ADPRHL1: variants seen among roughly 807,000 people sequenced by gnomAD.
The protein encoded by ADPRHL1 is ADP-ribosylhydrolase like 1.
A neutral mutation model predicts 44.1 loss-of-function variants in ADPRHL1; 43 were observed. The observed-to-expected ratio is 0.98, with a 90% confidence interval of 0.76 to 1.26. The LOEUF (loss-of-function observed/expected upper bound fraction) is 1.26. Among genes scored for constraint, ADPRHL1 ranks in the 50% most tolerant of loss-of-function variants. The pLI, the probability that ADPRHL1 is intolerant of heterozygous loss-of-function variation, is 0.00. For missense variants in ADPRHL1, 2,022 were observed against 2,496.9 expected (o/e 0.81, Z 4.05); for synonymous variants, 878 against 1,017.4 (o/e 0.86, Z 2.61).
intron 1 of ADPRHL1, among the ~76,000 whole-genome samples, chr13:113,451,582 T>C (rs1050958654): frequency 1.3e-5 from 2 of 151,970 alleles, no homozygotes; most frequent in Non-Finnish European, 2.9e-5. Flanking sequence ...CTGAGGTGGG[T>C]GGATCACTTG....
At chr13:113,420,950 C>CT (rs1304763771) in intron 7 of ADPRHL1, among the ~76,000 whole-genome samples, 1 of 36,022 alleles carries the variant, frequency 2.8e-5, no homozygotes, top group Non-Finnish European at 9.3e-5. Context: ...CAACCCTACC[C>CT]CCCCCGACAC....
At position 113,406,435 on chromosome 13, in the gene ADPRHL1, C is replaced by T; in HGVS notation, c.2847G>A (p.Gln949=). ...VPETLLTQRL[Q]TDPAGGKENK... is the part of the protein sequence containing the mutation. Reference sequence around the variant, plus strand: ...TTTCCTTCCCGCCAGCAGGATCTGTCTGGAGTCTCTGTGTCAGAAGTGTCT... The same window carrying T: ...TTTCCTTCCCGCCAGCAGGATCTGTTTGGAGTCTCTGTGTCAGAAGTGTCT... The change falls in exon 8 of 8, where the codon CAG becomes CAA. Residue 949 remains glutamine (Q), a synonymous_variant. Transcript: ENST00000612156. 1 of 1,232,064 alleles carries T rather than the reference C, an allele frequency of 8.1e-7. No individual in the cohort carries two copies. The allele number at this position is 1,232,064 out of a possible 1,614,324, so 76.3% of individuals were successfully genotyped here. A position where few individuals can be genotyped will look rare whatever the true frequency, so the allele number is the denominator to read the frequency against.
rs531141067 is a variant in ADPRHL1 at position 113,428,447 on chromosome 13, C to G, written c.646+505G>C. Among the ~76,000 whole-genome samples, 87 of 152,334 alleles carry G rather than the reference C, an allele frequency of 5.7e-4. 1 individual carries two copies. In the South Asian group the frequency reaches 0.018, roughly 31 times the overall value. On this transcript the variant is annotated intron_variant, in intron 4 of 7. Transcript: ENST00000612156. Reference sequence around the variant, plus strand: ...CCCTGCCGCCCCCTCCCCTCTTAGACGGCACCTTCCGTGGGGTGGAAGAAT... The same window carrying G: ...CCCTGCCGCCCCCTCCCCTCTTAGAGGGCACCTTCCGTGGGGTGGAAGAAT...
Position 113,412,814 on chromosome 13 carries a change from G to A in ADPRHL1, c.1062-4594C>T, listed in dbSNP as rs113240598. Among the ~76,000 whole-genome samples, 106 of 82,536 alleles carry A rather than the reference G, an allele frequency of 1.3e-3. 2 individuals carry two copies. Among genetic ancestry groups the A allele is most frequent in the African/African-American group, 4.5e-3 (80 of 17,828 alleles). The allele number at this position is 82,536 out of a possible 152,430, so 54.1% of individuals were successfully genotyped here. ...GTTCACCCACCGCCAACAGCACCCC[G>A]CAGAACTCGGTTCACCCACCGCCAA... is the stretch of plus-strand genomic sequence containing the variant. On this transcript the variant is annotated intron_variant, in intron 7 of 7. Transcript: ENST00000612156.
rs1180159215 is a variant in ADPRHL1, at chr13:113,441,083, G to C, written c.379+3342C>G. Among the ~76,000 whole-genome samples the C allele has an allele frequency of 6.6e-6, 1 of 152,166 alleles. No homozygotes were observed. The highest frequency in any genetic ancestry group is 1.5e-5 in the Non-Finnish European group (1 of 68,044). ...CAGGAGAATCAGCTGAACCCGGGAA[G>C]TAGAGGTTGCAGTGAGCCAAAATTG... On this transcript the variant is annotated intron_variant, in intron 2 of 7. Coordinates refer to ENST00000612156, the MANE Select transcript of ADPRHL1 (RefSeq NM_001394807.1). The surrounding 1 kb of genome is among the most constrained non-coding windows in gnomAD (Gnocchi z 6.0).
At chr13:113,419,129 C>T (rs1434944454) in intron 7 of ADPRHL1, among the ~76,000 whole-genome samples, 1 of 28,004 alleles carries the variant, frequency 3.6e-5, no homozygotes, top group East Asian at 6.7e-4. Flanking sequence ...TTTTTTTTTT[C>T]AGGGTCTTAC....
rs539613716 is a variant in ADPRHL1 at position 113,404,777 on chromosome 13, C to A, written c.4505G>T (p.Gly1502Val). ...VQEWDRGQVQ[G>V]HAQEQAQWQT... ...CCACTGGGCCTGTTCTTGAGCGTGT[C>A]CCTGAACCTGTCCCCGGTCCCATTC... Residue 1502 changes from glycine to valine, a missense_variant, in exon 8 of 8, where the codon GGA (glycine) becomes GTA (valine). By Grantham distance (109) the Gly-to-Val change is moderately radical. Coordinates refer to ENST00000612156, the MANE Select transcript of ADPRHL1 (RefSeq NM_001394807.1). 7.9e-7 allele frequency: 1 copy of A among 1,261,030 alleles called. No homozygotes were observed. Among genetic ancestry groups the A allele is most frequent in the Non-Finnish European group, 9.9e-7 (1 of 1,006,840 alleles). The allele number at this position is 1,261,030 out of a possible 1,614,324, so 78.1% of individuals were successfully genotyped here.
At chr13:113,412,873 A>G (rs1433824895) in intron 7 of ADPRHL1, among the ~76,000 whole-genome samples, 2 of 48,494 alleles carry the variant, frequency 4.1e-5, no homozygotes, top group African/African-American at 2.8e-4. Context: ...ACCCACCGCC[A>G]ACAGCGCCCC....
intron 1 of ADPRHL1, among the ~76,000 whole-genome samples, chr13:113,451,540 G>T (rs1046872900): frequency 5.9e-5 from 9 of 152,178 alleles, no homozygotes; most frequent in Admixed American, 5.2e-4. Flanking sequence ...CCCCATGGTG[G>T]CTCACGCCTG....
chr13:113,402,227 G>T lies in ADPRHL1; in HGVS notation c.*1151C>A, dbSNP rs559732204. The T allele has an allele frequency of 6.6e-6, 1 of 152,244 alleles. No homozygotes were observed. Among genetic ancestry groups the T allele is most frequent in the Non-Finnish European group, 1.5e-5 (1 of 68,050 alleles). The allele number at this position is 152,244 out of a possible 1,614,324, so 9.4% of individuals were successfully genotyped here. A position where few individuals can be genotyped will look rare whatever the true frequency, so the allele number is the denominator to read the frequency against. ...GGCCTCACGGGTCCGGGTTTCAGAG[G>T]CCACCGAGTGGCCTGGGACGATGGA... On this transcript the variant is annotated 3_prime_UTR_variant, in exon 8 of 8. Coordinates refer to ENST00000612156, the MANE Select transcript of ADPRHL1 (RefSeq NM_001394807.1).
intron 7 of ADPRHL1, chr13:113,410,119 G>A (rs1393028069): frequency 2.0e-6 from 2 of 985,392 alleles, no homozygotes; most frequent in South Asian, 4.7e-5. Flanking sequence ...GTGGGCACGC[G>A]ATGACCCAGG....
rs2043814925 is a variant in ADPRHL1, at chr13:113,407,130, G to A, written c.2152C>T (p.Pro718Ser). 8.1e-7 allele frequency: 1 copy of A among 1,232,160 alleles called. No homozygotes were observed. The highest frequency in any genetic ancestry group is 4.1e-5 in the South Asian group (1 of 24,328). 76.3% of individuals were successfully genotyped at this position (1,232,160 alleles called of 1,614,324 possible). The change falls in exon 8 of 8, where the codon CCT becomes TCT. Residue 718 changes from proline to serine, a missense_variant. By Grantham distance (74) the Pro-to-Ser change is moderately conservative. This residue lies in a region of ADPRHL1 where 1,221 missense variants were observed against 1,517.8 expected (regional missense o/e 0.80). Coordinates refer to ENST00000612156, the MANE Select transcript of ADPRHL1 (RefSeq NM_001394807.1). ...GGGGATGATGCAGGCACAAGGCCAG[G>A]AAGGACTCCACCTGTGCAGGGAGCA... ...SCAPCTGGVLPGLVPASSPLG... is the reference protein window; with the variant it reads ...SCAPCTGGVLSGLVPASSPLG...
chr13:113,424,964 A>G, intron 5 of ADPRHL1, 88 bp downstream of exon 5: 1 of 1,512,876 alleles, frequency 6.6e-7, no homozygotes, highest in South Asian at 1.2e-5. Flanking sequence ...CCATTCACCT[A>G]CCCACCCACC....
Position 113,403,708 on chromosome 13 carries a change from G to A in ADPRHL1, c.5574C>T (p.Ser1858=), listed in dbSNP as rs927566621. 7 of 1,231,940 alleles carry A rather than the reference G, an allele frequency of 5.7e-6. No individual in the cohort carries two copies. In the East Asian group the frequency reaches 9.5e-5, roughly 17 times the overall value. The allele number at this position is 1,231,940 out of a possible 1,614,324, so 76.3% of individuals were successfully genotyped here. Residue 1858 remains serine (S), a synonymous_variant, in exon 8 of 8, where the codon AGC becomes AGT. Coordinates refer to ENST00000612156, the MANE Select transcript of ADPRHL1 (RefSeq NM_001394807.1). ...GGCTTCCTGGGGGTGGGTACCCGGCGCTGGGCTCCCCCAGGCCACTGCCCC... is the reference window on the plus strand; with the variant it reads ...GGCTTCCTGGGGGTGGGTACCCGGCACTGGGCTCCCCCAGGCCACTGCCCC... ...QSGGSGLGEP[S]AGYPPPGSRP...
At position 113,402,240 on chromosome 13, in the gene ADPRHL1, C is replaced by T. The variant is rs1259582242; in HGVS notation, c.*1138G>A. 6.6e-6 allele frequency: 1 copy of T among 152,178 alleles called. No individual in the cohort carries two copies. 9.4% of individuals were successfully genotyped at this position (152,178 alleles called of 1,614,324 possible). A position where few individuals can be genotyped will look rare whatever the true frequency, so the allele number is the denominator to read the frequency against. ...CGGGTTTCAGAGGCCACCGAGTGGC[C>T]TGGGACGATGGATCGCGACACGGAG... On this transcript the variant is annotated 3_prime_UTR_variant, in exon 8 of 8. Coordinates refer to ENST00000612156, the MANE Select transcript of ADPRHL1 (RefSeq NM_001394807.1).
At chr13:113,424,159 T>A (rs1325969709) in intron 6 of ADPRHL1, 58 bp downstream of exon 6, 3 of 1,600,770 alleles carry the variant, frequency 1.9e-6, no homozygotes, top group South Asian at 2.2e-5. Flanking sequence ...TCCGAGGGGG[T>A]GCTTCAGAAG....
intron 1 of ADPRHL1, among the ~76,000 whole-genome samples, chr13:113,448,413 C>T (rs1566483708): frequency 7.2e-6 from 1 of 139,062 alleles, no homozygotes; most frequent in Non-Finnish European, 1.5e-5. Flanking sequence ...TTGCAGTGAG[C>T]CGAGATCGCG....
rs1197845890 is a variant in ADPRHL1, at chr13:113,405,508, G to C, written c.3774C>G (p.Ser1258Arg). Residue 1258 changes from serine (S) to arginine (R), a missense_variant, in exon 8 of 8, where the codon AGC becomes AGG. Ser to Arg is a moderately radical substitution (Grantham distance 110). Coordinates refer to ENST00000612156, the MANE Select transcript of ADPRHL1 (RefSeq NM_001394807.1). ...VAVEGNLLGFSTESGIPASDH... is the reference protein window; with the variant it reads ...VAVEGNLLGFRTESGIPASDH... ...CAGAAGCAGGAATTCCAGACTCTGT[G>C]CTGAAACCCAAAAGGTTTCCTTCCA... 10 of 1,231,990 alleles carry C rather than the reference G, an allele frequency of 8.1e-6. No homozygotes were observed. The highest frequency in any genetic ancestry group is 1.0e-5 in the Non-Finnish European group (10 of 988,266). The allele number at this position is 1,231,990 out of a possible 1,614,324, so 76.3% of individuals were successfully genotyped here.
chr13:113,403,312 A>G lies in ADPRHL1; in HGVS notation c.*66T>C. ...CCAAGACGCATTTGGAGGCAGGAAA[A>G]TGCCTGAAGTCCCTCAATGGGCGGA... On this transcript the variant is annotated 3_prime_UTR_variant, in exon 8 of 8. Transcript: ENST00000612156. 2.5e-6 allele frequency: 3 copies of G among 1,214,000 alleles called. No homozygotes were observed. The highest frequency in any genetic ancestry group is 3.1e-6 in the Non-Finnish European group (3 of 972,034). 75.2% of individuals were successfully genotyped at this position (1,214,000 alleles called of 1,614,324 possible).
Sources: allele counts gnomAD v4.1 joint callset (sites outside exome capture counted in the v4.1 genomes callset), GRCh38; gene constraint gnomAD v4.1.1; regional missense constraint gnomAD v4.1.1; non-coding constraint Gnocchi (gnomAD v3.1); transcripts MANE v1.5; gene names NCBI Gene and HGNC (gene_info 2026-07-23, HGNC 2026-07-21).